ZYG11A: variants seen among roughly 807,000 people sequenced by gnomAD.
ZYG11A encodes protein zyg-11 homolog A.
A neutral mutation model predicts 77.2 loss-of-function variants in ZYG11A; 62 were observed. That is an observed-to-expected ratio of 0.80 (90% CI 0.65 to 0.99). The LOEUF is 0.99. Among genes scored for constraint, ZYG11A ranks in the 50% least tolerant of loss-of-function variants. The pLI, the probability that ZYG11A is intolerant of heterozygous loss-of-function variation, is 0.00. For synonymous variants in ZYG11A, 315 were observed against 324.6 expected (o/e 0.97, Z 0.32); for missense variants, 828 against 896.8 (o/e 0.92, Z 0.98).
chr1:52,855,398 C>T (rs1471569222), intron 2 of ZYG11A, among the ~76,000 whole-genome samples: 1 of 151,994 alleles, frequency 6.6e-6, no homozygotes, highest in Non-Finnish European at 1.5e-5. Flanking sequence ...CCATGTTGGC[C>T]AGGCTGGTCT....
chr1:52,859,768 C>T (rs1645891861), intron 3 of ZYG11A, among the ~76,000 whole-genome samples: 1 of 145,884 alleles, frequency 6.9e-6, no homozygotes, highest in Non-Finnish European at 1.5e-5. Flanking sequence ...ACCTCTGCCT[C>T]CCGGGTTCAA....
chr1:52,869,309 T>G lies in ZYG11A; in HGVS notation c.1542+1532T>G, dbSNP rs1571861476. On this transcript the variant is annotated intron_variant, in intron 8 of 13. Coordinates refer to ENST00000371528, the MANE Select transcript of ZYG11A (RefSeq NM_001004339.3). ...TCTCGCAGAGGGGGATTTGGCAGGG[T>G]CATAGGACAATAGTGGAGGGAAGGT... Among the ~76,000 whole-genome samples, 7 of 147,584 alleles carry G rather than the reference T, an allele frequency of 4.7e-5. No individual in the cohort carries two copies. In the South Asian group the frequency reaches 1.3e-3, roughly 27 times the overall value.
intron 1 of ZYG11A, 114 bp from the exon 2 acceptor site, chr1:52,854,351 A>G (rs1451127522): frequency 6.2e-6 from 6 of 960,850 alleles, no homozygotes; most frequent in Non-Finnish European, 8.8e-6. Flanking sequence ...CTAGAGTATG[A>G]AGGATGTATC....
At chr1:52,850,319 AT>A (rs1333938329) in intron 1 of ZYG11A, among the ~76,000 whole-genome samples, 5,554 of 134,006 alleles carry the variant, frequency 0.041, 267 homozygotes, top group African/African-American at 0.13. Flanking sequence ...ACGCCCAGCT[AT>A]TTTTTTTTTT....
At position 52,893,585 on chromosome 1, in the gene ZYG11A, T is replaced by C. The variant is rs1378365648; in HGVS notation, c.*628T>C. The C allele has an allele frequency of 6.6e-6, 1 of 152,040 alleles. No individual in the cohort carries two copies. 9.4% of individuals were successfully genotyped at this position (152,040 alleles called of 1,614,324 possible). A position where few individuals can be genotyped will look rare whatever the true frequency, so the allele number is the denominator to read the frequency against. On this transcript the variant is annotated 3_prime_UTR_variant, in exon 14 of 14. Transcript: ENST00000371528. ...TTCGAGATCAGCCTTGCCAACGTGG[T>C]AAAACTCCGTCTCTACCAAAAAATA... is the stretch of plus-strand genomic sequence containing the variant.
chr1:52,878,083 T>A, intron 10 of ZYG11A, 114 bp downstream of exon 10: 3 of 857,620 alleles, frequency 3.5e-6, no homozygotes, highest in Non-Finnish European at 5.5e-6. Context: ...TATAAACTCA[T>A]TTAATCTTTA....
At position 52,857,628 on chromosome 1, in the gene ZYG11A, A is replaced by G. The variant is rs749824059; in HGVS notation, c.887A>G (p.Asn296Ser). The change falls in exon 3 of 14, where the codon AAT becomes AGT. Residue 296 changes from asparagine (N) to serine (S), a missense_variant. Physicochemically the swap from Asn to Ser is conservative, Grantham distance 46. Coordinates refer to ENST00000371528, the MANE Select transcript of ZYG11A (RefSeq NM_001004339.3). ...GTGTCATTGGATATTTCTGGGGGCAATTGCATCACTGATGAAGCTGTAGAA... is the reference window on the plus strand; with the variant it reads ...GTGTCATTGGATATTTCTGGGGGCAGTTGCATCACTGATGAAGCTGTAGAA... ...NVVSLDISGGNCITDEAVELF... is the reference protein window; with the variant it reads ...NVVSLDISGGSCITDEAVELF... 195 of 1,552,080 alleles carry G rather than the reference A, an allele frequency of 1.3e-4. No individual in the cohort carries two copies. Among genetic ancestry groups the G allele is most frequent in the Non-Finnish European group, 1.4e-4 (163 of 1,147,086 alleles).
chr1:52,870,184 G>A lies in ZYG11A; in HGVS notation c.1542+2407G>A, dbSNP rs1251325188. Among the ~76,000 whole-genome samples, 13 of 63,718 alleles carry A rather than the reference G, an allele frequency of 2.0e-4. 1 individual carries two copies. The South Asian group carries it at 4.8e-3, about 24-fold the overall frequency. The allele number at this position is 63,718 out of a possible 152,430, so 41.8% of individuals were successfully genotyped here. Reference sequence around the variant, plus strand: ...GAGACGCTCTTCACTTCCTAGATGGGATGGCGGCCGGGAAGAGACGCTCGT... The same window carrying A: ...GAGACGCTCTTCACTTCCTAGATGGAATGGCGGCCGGGAAGAGACGCTCGT... On this transcript the variant is annotated intron_variant, in intron 8 of 13. Coordinates refer to ENST00000371528, the MANE Select transcript of ZYG11A (RefSeq NM_001004339.3).
At chr1:52,856,947 A>G in intron 2 of ZYG11A, 51 bp from the exon 3 acceptor site, 1 of 1,465,034 alleles carries the variant, frequency 6.8e-7, no homozygotes, top group Non-Finnish European at 9.0e-7. Flanking sequence ...TTTATCCTGG[A>G]AAGACATGAG....
rs1489993197 is a variant in ZYG11A, at chr1:52,860,751, G to A, written c.1029G>A (p.Met343Ile). The part of the protein sequence containing the change: ...QGLRVAGGAS[M>I]SQISEALSRY... ...TTCAGGTTGCTGGAGGAGCCAGTAT[G>A]AGTCAGATTTCAGAAGCACTGAGCC... is the stretch of plus-strand genomic sequence containing the variant. Residue 343 changes from methionine to isoleucine, a missense_variant, in exon 4 of 14, where the codon ATG (methionine) becomes ATA (isoleucine). Transcript: ENST00000371528. 1 of 1,551,678 alleles carries A rather than the reference G, an allele frequency of 6.4e-7. No homozygotes were observed. Among genetic ancestry groups the A allele is most frequent in the East Asian group, 2.4e-5 (1 of 40,922 alleles).
chr1:52,877,692 C>T lies in ZYG11A; in HGVS notation c.1553C>T (p.Ala518Val). ...ELFMAVKELL[A>V]IVKQKTTENL... ...CTCTTTGGTTTTTAGGAACTTCTAG[C>T]AATAGTAAAACAAAAGACTACTGAG... is the stretch of plus-strand genomic sequence containing the variant. The change falls in exon 9 of 14, where the codon GCA becomes GTA. Residue 518 changes from alanine to valine, a missense_variant. Ala to Val is a moderately conservative substitution (Grantham distance 64). Transcript: ENST00000371528. 6.5e-7 allele frequency: 1 copy of T among 1,547,998 alleles called. No individual in the cohort carries two copies. Among genetic ancestry groups the T allele is most frequent in the Non-Finnish European group, 8.7e-7 (1 of 1,145,970 alleles).
At chr1:52,869,691 A>G (rs1466317648) in intron 8 of ZYG11A, among the ~76,000 whole-genome samples, 1 of 151,520 alleles carries the variant, frequency 6.6e-6, no homozygotes, top group Admixed American at 6.6e-5. Flanking sequence ...TCTTTTCCCC[A>G]CCTTTCCTCC....
Position 52,857,587 on chromosome 1 carries a change from T to C in ZYG11A, c.846T>C (p.Asp282=). 1 of 1,551,998 alleles carries C rather than the reference T, an allele frequency of 6.4e-7. No individual in the cohort carries two copies. The highest frequency in any genetic ancestry group is 8.7e-7 in the Non-Finnish European group (1 of 1,147,046). Residue 282 remains aspartate (D), a synonymous_variant, in exon 3 of 14, where the codon GAT becomes GAC. Coordinates refer to ENST00000371528, the MANE Select transcript of ZYG11A (RefSeq NM_001004339.3). Reference sequence around the variant, plus strand: ...CTTTTCATTTGCTACAGCAGAAGGATATCCTGCCCAATGTTGTGTCATTGG... The same window carrying C: ...CTTTTCATTTGCTACAGCAGAAGGACATCCTGCCCAATGTTGTGTCATTGG... ...DLAFHLLQQK[D]ILPNVVSLDI...
intron 1 of ZYG11A, among the ~76,000 whole-genome samples, chr1:52,848,957 T>G: frequency 6.6e-6 from 1 of 152,200 alleles, no homozygotes; most frequent in Non-Finnish European, 1.5e-5. Flanking sequence ...TAACTATATT[T>G]CAATATAGTT....
At chr1:52,880,524 A>G (rs1646345694) in intron 10 of ZYG11A, among the ~76,000 whole-genome samples, 1 of 152,144 alleles carries the variant, frequency 6.6e-6, no homozygotes, top group Non-Finnish European at 1.5e-5. Context: ...CCAAGGGAAT[A>G]TGGCAAAGAT....
chr1:52,880,065 A>G lies in ZYG11A; in HGVS notation c.1750-1406A>G, dbSNP rs1037765882. Among the ~76,000 whole-genome samples, 3 of 77,692 alleles carry G rather than the reference A, an allele frequency of 3.9e-5. No homozygotes were observed. The East Asian group carries it at 7.6e-4, about 20-fold the overall frequency. 51.0% of individuals were successfully genotyped at this position (77,692 alleles called of 152,430 possible). A position where few individuals can be genotyped will look rare whatever the true frequency, so the allele number is the denominator to read the frequency against. The stretch of plus-strand genomic sequence containing the variant: ...AGGCATGAGCTACCGCACCCAGCCC[A>G]CTTTTTTTTTTTTTTTTTTTTTGAG... On this transcript the variant is annotated intron_variant, in intron 10 of 13. Transcript: ENST00000371528.
At chr1:52,892,252 G>A (rs1646557343) in intron 13 of ZYG11A, among the ~76,000 whole-genome samples, 1 of 145,178 alleles carries the variant, frequency 6.9e-6, no homozygotes, top group Non-Finnish European at 1.5e-5. Flanking sequence ...TTTGGGCCAG[G>A]CATGGTGGCT....
intron 13 of ZYG11A, among the ~76,000 whole-genome samples, chr1:52,888,827 A>C (rs188106144): frequency 6.6e-6 from 1 of 152,332 alleles, no homozygotes; most frequent in Admixed American, 6.5e-5. Flanking sequence ...CCTGTCTCTA[A>C]GATAAGAAAG....
intron 1 of ZYG11A, among the ~76,000 whole-genome samples, chr1:52,843,818 G>C (rs1022645201): frequency 4.0e-5 from 6 of 151,662 alleles, no homozygotes; most frequent in Non-Finnish European, 5.9e-5. Context: ...TCCCGAGTAG[G>C]TGGGACTACA....
Sources: allele counts gnomAD v4.1 joint callset (sites outside exome capture counted in the v4.1 genomes callset), GRCh38; gene constraint gnomAD v4.1.1; transcripts MANE v1.5; gene names NCBI Gene and HGNC (gene_info 2026-07-23, HGNC 2026-07-21).